AQP1: variants seen among roughly 807,000 people sequenced by gnomAD.
AQP1 encodes the protein aquaporin-1.
AQP1 carries 11 observed loss-of-function variants against 19.7 expected under a neutral mutation model. The ratio of observed to expected loss-of-function variants is 0.56; its 90% CI spans 0.35 to 0.92. The LOEUF (loss-of-function observed/expected upper bound fraction) is 0.92, where lower values mean the gene tolerates loss of function less well. AQP1 is among the 40% of genes least tolerant of loss of function. The probability of loss-of-function intolerance (pLI) is 0.01; values close to 1 mark genes in which losing one functional copy is unlikely to be tolerated. For synonymous variants in AQP1, 159 were observed against 166.7 expected (o/e 0.95, Z 0.36); for missense variants, 320 against 369.7 (o/e 0.87, Z 1.10).
rs754253329 is a variant in AQP1 at position 30,922,660 on chromosome 7, G to T, written c.630+16G>T. 9 of 1,610,446 alleles carry T rather than the reference G, an allele frequency of 5.6e-6. No individual in the cohort carries two copies. The highest frequency in any genetic ancestry group is 4.0e-5 in the African/African-American group (3 of 74,812). On this transcript the variant is annotated intron_variant, in intron 3 of 3. Transcript: ENST00000311813. The stretch of plus-strand genomic sequence containing the variant: ...CAACCACTGGGTAGGAGACCCACGG[G>T]GGGTGGGGTGGGAAGCTTTGGTGTC...
At chr7:30,921,476 T>C (rs1584388512) in intron 1 of AQP1, 2 of 1,465,652 alleles carry the variant, frequency 1.4e-6, no homozygotes, top group Admixed American at 2.4e-5. Context: ...AGAGACGGGG[T>C]GGAGAAGGAG....
rs751962232 is a variant in AQP1, at chr7:30,912,041, G to A, written c.132G>A (p.Thr44=). 1.2e-5 allele frequency: 20 copies of A among 1,613,382 alleles called. No individual in the cohort carries two copies. In the Middle Eastern group the frequency reaches 8.2e-4, roughly 66 times the overall value. Reference sequence around the variant, plus strand: ...AATACCCGGTGGGGAACAACCAGACGGCGGTCCAGGACAACGTGAAGGTGT... The same window carrying A: ...AATACCCGGTGGGGAACAACCAGACAGCGGTCCAGGACAACGTGAAGGTGT... ...GFKYPVGNNQ[T]AVQDNVKVSL... is the part of the protein sequence containing the mutation. The change falls in exon 1 of 4, where the codon ACG becomes ACA. Residue 44 remains threonine, a synonymous_variant. Coordinates refer to ENST00000311813, the MANE Select transcript of AQP1 (RefSeq NM_198098.4). The surrounding 1 kb of genome is among the most constrained non-coding windows in gnomAD (Gnocchi z 4.3).
intron 1 of AQP1, among the ~76,000 whole-genome samples, chr7:30,917,461 G>T (rs987173006): frequency 7.2e-5 from 11 of 152,280 alleles, no homozygotes; most frequent in Non-Finnish European, 1.3e-4. Context: ...GCAAATAAAG[G>T]CCTTGTTGAG....
chr7:30,925,096 G>T lies in AQP1; in HGVS notation c.*1467G>T, dbSNP rs1267205450. ...AGAGACACAATTACGCAGGTATTTA[G>T]AAGCAGAGGGACAACCAGAAGGCCC... On this transcript the variant is annotated 3_prime_UTR_variant, in exon 4 of 4. Transcript: ENST00000311813. 1.3e-5 allele frequency: 2 copies of T among 152,262 alleles called. No individual in the cohort carries two copies. The highest frequency in any genetic ancestry group is 1.3e-4 in the Admixed American group (2 of 15,290). 9.4% of individuals were successfully genotyped at this position (152,262 alleles called of 1,614,324 possible).
chr7:30,912,160 T>G lies in AQP1; in HGVS notation c.251T>G (p.Leu84Arg). The G allele has an allele frequency of 6.2e-7, 1 of 1,612,986 alleles. No homozygotes were observed. Among genetic ancestry groups the G allele is most frequent in the Non-Finnish European group, 8.5e-7 (1 of 1,180,026 alleles). Reference protein sequence around the residue: ...HLNPAVTLGLLLSCQISIFRA... With the variant: ...HLNPAVTLGLRLSCQISIFRA... ...AACCCGGCTGTCACACTGGGGCTGC[T>G]GCTCAGCTGCCAGATCAGCATCTTC... Residue 84 changes from leucine (L) to arginine (R), a missense_variant, in exon 1 of 4, where the codon CTG (leucine) becomes CGG (arginine). Physicochemically the swap from Leu to Arg is moderately radical, Grantham distance 102. Transcript: ENST00000311813. The surrounding 1 kb of genome is among the most constrained non-coding windows in gnomAD (Gnocchi z 4.3).
In AQP1 at chr7:30,925,471, A is replaced by C. The variant is rs1027706045; in HGVS notation, c.*1842A>C. On this transcript the variant is annotated 3_prime_UTR_variant, in exon 4 of 4. Coordinates refer to ENST00000311813, the MANE Select transcript of AQP1 (RefSeq NM_198098.4). ...GCATATATGTCTCTTTGGAGTTGGA[A>C]TTTCATTATATGTTAAGAAAATAAA... 2.0e-5 allele frequency: 3 copies of C among 152,246 alleles called. No homozygotes were observed. Among genetic ancestry groups the C allele is most frequent in the African/African-American group, 4.8e-5 (2 of 41,462 alleles). The allele number at this position is 152,246 out of a possible 1,614,324, so 9.4% of individuals were successfully genotyped here.
chr7:30,921,796 G>T (rs1791507249), intron 1 of AQP1: 1 of 1,550,530 alleles, frequency 6.4e-7, no homozygotes, highest in Admixed American at 2.0e-5. Context: ...CTCACCCCAG[G>T]CCTCTCCAGC....
Position 30,922,233 on chromosome 7 carries a change from G to T in AQP1, c.549+3G>T. On this transcript the variant is annotated splice_donor_region_variant and intron_variant, in intron 2 of 3. Transcript: ENST00000311813. ...TAGCCCTTGGACACCTCCTGGCTGT[G>T]AGTCAGGGGCCCTCCCAGATGGAGG... 1 of 1,594,894 alleles carries T rather than the reference G, an allele frequency of 6.3e-7. No homozygotes were observed.
chr7:30,919,470 A>G (rs1323066560), intron 1 of AQP1, among the ~76,000 whole-genome samples: 1 of 152,116 alleles, frequency 6.6e-6, no homozygotes, highest in East Asian at 1.9e-4. Flanking sequence ...TTCTTTCGGT[A>G]ATACTTGCAT....
chr7:30,915,157 G>A (rs1791279928), intron 1 of AQP1, among the ~76,000 whole-genome samples: 1 of 152,142 alleles, frequency 6.6e-6, no homozygotes, highest in South Asian at 2.1e-4. Context: ...CCTGGCATTT[G>A]CTGGCTTTTT....
At chr7:30,919,457 T>C (rs1279540772) in intron 1 of AQP1, among the ~76,000 whole-genome samples, 1 of 152,134 alleles carries the variant, frequency 6.6e-6, no homozygotes, top group Non-Finnish European at 1.5e-5. Context: ...AATGTGTGGA[T>C]TATTCTTTCG....
rs1791593515 is a variant in AQP1, at chr7:30,923,689, G to A, written c.*60G>A. 1.3e-6 allele frequency: 2 copies of A among 1,521,174 alleles called. 1 individual carries two copies. The highest frequency in any genetic ancestry group is 5.1e-5 in the East Asian group (2 of 39,472). The allele number at this position is 1,521,174 out of a possible 1,614,324, so 94.2% of individuals were successfully genotyped here. ...GGGGCAGGGGCGGGCGGAGGGAGGG[G>A]AGGGGTGAAATCCATACTGTAGACA... is the stretch of plus-strand genomic sequence containing the variant. On this transcript the variant is annotated 3_prime_UTR_variant, in exon 4 of 4. Coordinates refer to ENST00000311813, the MANE Select transcript of AQP1 (RefSeq NM_198098.4). The surrounding 1 kb of genome is among the most constrained non-coding windows in gnomAD (Gnocchi z 4.8).
chr7:30,914,131 C>A (rs1791248217), intron 1 of AQP1, among the ~76,000 whole-genome samples: 1 of 152,212 alleles, frequency 6.6e-6, no homozygotes, highest in Admixed American at 6.5e-5. Context: ...AGAGGCCACA[C>A]CAGCCTCCCG....
At chr7:30,918,466 G>C (rs935892901) in intron 1 of AQP1, among the ~76,000 whole-genome samples, 2 of 152,180 alleles carry the variant, frequency 1.3e-5, no homozygotes, top group Non-Finnish European at 2.9e-5. Flanking sequence ...CCATGTCCAC[G>C]TGTGAACACC....
chr7:30,923,844 G>C lies in AQP1; in HGVS notation c.*215G>C, dbSNP rs565127927. ...GGCCTCAGAGCTTCCTGGGGACCAAGATTTACCAATTCACCCACTCCCTTG... is the reference window on the plus strand; with the variant it reads ...GGCCTCAGAGCTTCCTGGGGACCAACATTTACCAATTCACCCACTCCCTTG... On this transcript the variant is annotated 3_prime_UTR_variant, in exon 4 of 4. Coordinates refer to ENST00000311813, the MANE Select transcript of AQP1 (RefSeq NM_198098.4). This position sits in a 1 kb window ranked among gnomAD's most constrained non-coding sequence, Gnocchi z 4.8. The C allele has an allele frequency of 6.5e-6, 10 of 1,527,816 alleles. No homozygotes were observed. The highest frequency in any genetic ancestry group is 8.8e-6 in the Non-Finnish European group (10 of 1,137,590). The allele number at this position is 1,527,816 out of a possible 1,614,324, so 94.6% of individuals were successfully genotyped here.
Position 30,922,551 on chromosome 7 carries a change from C to CT in AQP1, c.550-10dup, listed in dbSNP as rs763939691. 7 of 1,612,748 alleles carry CT rather than the reference C, an allele frequency of 4.3e-6. No individual in the cohort carries two copies. Among genetic ancestry groups the CT allele is most frequent in the Admixed American group, 1.7e-5 (1 of 60,012 alleles). On this transcript the variant is annotated splice_polypyrimidine_tract_variant and intron_variant, in intron 2 of 3. Transcript: ENST00000311813. ...TCTGCCTTCGCCCCTCCCTCTGTTT[C>CT]TTTCCCTCACAGATTGACTACACTG...
At position 30,912,922 on chromosome 7, in the gene AQP1, TG is replaced by T. The variant is rs1342622953; in HGVS notation, c.384+635del. Among the ~76,000 whole-genome samples the T allele has an allele frequency of 6.6e-6, 1 of 152,012 alleles. No homozygotes were observed. The highest frequency in any genetic ancestry group is 1.5e-5 in the Non-Finnish European group (1 of 68,002). On this transcript the variant is annotated intron_variant, in intron 1 of 3. Transcript: ENST00000311813. The surrounding 1 kb of genome is among the most constrained non-coding windows in gnomAD (Gnocchi z 4.3). The stretch of plus-strand genomic sequence containing the variant: ...AGTTTTCCTGGATTACAGTATGGGC[TG>T]GGGGGCAAGCGCTGGGCTCCATGGT...
chr7:30,925,017 A>T lies in AQP1; in HGVS notation c.*1388A>T, dbSNP rs1301694010. On this transcript the variant is annotated 3_prime_UTR_variant, in exon 4 of 4. Coordinates refer to ENST00000311813, the MANE Select transcript of AQP1 (RefSeq NM_198098.4). ...CTACATAAGTCCTTTCAATTCCACC[A>T]GGGCCAGAGCAGCTCCACCACTGTG... The T allele has an allele frequency of 1.3e-5, 2 of 152,260 alleles. No homozygotes were observed. The highest frequency in any genetic ancestry group is 1.3e-4 in the Admixed American group (2 of 15,294). 9.4% of individuals were successfully genotyped at this position (152,260 alleles called of 1,614,324 possible).
At chr7:30,919,877 G>A (rs1282685237) in intron 1 of AQP1, among the ~76,000 whole-genome samples, 1 of 152,164 alleles carries the variant, frequency 6.6e-6, no homozygotes, top group African/African-American at 2.4e-5. Flanking sequence ...GCTATCAGGG[G>A]AGGCTTCCTG....
Sources: allele counts gnomAD v4.1 joint callset (sites outside exome capture counted in the v4.1 genomes callset), GRCh38; gene constraint gnomAD v4.1.1; non-coding constraint Gnocchi (gnomAD v3.1); transcripts MANE v1.5; gene names NCBI Gene and HGNC (gene_info 2026-07-23, HGNC 2026-07-21).